DNMBP: variants seen among roughly 807,000 people sequenced by gnomAD.
The protein encoded by DNMBP is dynamin-binding protein.
A neutral mutation model predicts 150.0 loss-of-function variants in DNMBP; 87 were observed. That is an observed-to-expected ratio of 0.58 (90% CI 0.49 to 0.69). The LOEUF (loss-of-function observed/expected upper bound fraction) is 0.69, where lower values mean the gene tolerates loss of function less well. Ranked by LOEUF, DNMBP falls within the 30% of genes least tolerant of loss-of-function variation. The pLI is 0.00. For synonymous variants in DNMBP, 711 were observed against 750.4 expected, an observed-to-expected ratio of 0.95 and a Z score of 0.86; for missense variants, 1,774 against 1,949.0, an observed-to-expected ratio of 0.91 and a Z score of 1.69.
Position 99,907,750 on chromosome 10 carries a change from G to A in DNMBP, c.2554+245C>T, listed in dbSNP as rs189373835. Among the ~76,000 whole-genome samples, 4 of 152,280 alleles carry A rather than the reference G, an allele frequency of 2.6e-5. No homozygotes were observed. In the East Asian group the frequency reaches 7.7e-4, roughly 29 times the overall value. ...TGATCTCATGACCCAGTAATGGGCT[G>A]CAACCATGAGTGTGGAAAAACATTG... On this transcript the variant is annotated intron_variant, in intron 6 of 16. Transcript: ENST00000324109.
At chr10:99,990,692 TATACACACACATATATACACACATATAC>T (rs2040876928) in intron 1 of DNMBP, among the ~76,000 whole-genome samples, 1 of 150,554 alleles carries the variant, frequency 6.6e-6, no homozygotes. Context: ...CACACATATA[TATACACACACATATATACACACATATAC>T]ACACAAATAT....
chr10:99,931,770 A>G (rs2040161117), intron 4 of DNMBP, among the ~76,000 whole-genome samples: 1 of 152,234 alleles, frequency 6.6e-6, no homozygotes, highest in Non-Finnish European at 1.5e-5. Context: ...GCCTCTTACA[A>G]TGCAGAAGCA....
intron 6 of DNMBP, among the ~76,000 whole-genome samples, chr10:99,900,290 T>G (rs7342084): frequency 0.41 from 62,106 of 152,088 alleles, 12,871 homozygotes; most frequent in Non-Finnish European, 0.42. Context: ...ATGTATGTAT[T>G]CATTTTTTTT....
intron 1 of DNMBP, among the ~76,000 whole-genome samples, chr10:100,007,384 C>A (rs574246498): frequency 1.0e-3 from 153 of 152,190 alleles, no homozygotes; most frequent in African/African-American, 3.5e-3. Context: ...AGTGCTACCA[C>A]GACCCCGGCA....
intron 1 of DNMBP, among the ~76,000 whole-genome samples, chr10:100,009,287 C>T (rs141548434): frequency 6.6e-6 from 1 of 152,354 alleles, no homozygotes; most frequent in East Asian, 1.9e-4. Flanking sequence ...ACATCTGTGC[C>T]TGCAGCAGGA....
intron 6 of DNMBP, among the ~76,000 whole-genome samples, chr10:99,904,278 T>C (rs1370070152): frequency 6.6e-6 from 1 of 151,456 alleles, no homozygotes; most frequent in Non-Finnish European, 1.5e-5. Context: ...ACACTGGACA[T>C]GGTAAAACTA....
intron 2 of DNMBP, among the ~76,000 whole-genome samples, chr10:99,970,971 C>CAAAAAAAAAA (rs532226561): frequency 0.01 from 332 of 33,186 alleles, 57 homozygotes; most frequent in Admixed American, 0.014. Flanking sequence ...GACTCCGTCT[C>CAAAAAAAAAA]AAAAAAAAAA....
intron 11 of DNMBP, among the ~76,000 whole-genome samples, chr10:99,891,023 G>A (rs2039548026): frequency 6.6e-6 from 1 of 151,924 alleles, no homozygotes; most frequent in South Asian, 2.1e-4. Flanking sequence ...GTAACCAGCT[G>A]GAAAAATAAA....
At chr10:99,952,235 C>T (rs546571666) in intron 4 of DNMBP, among the ~76,000 whole-genome samples, 145 of 152,256 alleles carry the variant, frequency 9.5e-4, no homozygotes, top group South Asian at 4.8e-3. Flanking sequence ...TGTAAATTGC[C>T]CAGTATCTGG....
At chr10:99,911,483 C>CA (rs373066075) in intron 4 of DNMBP, among the ~76,000 whole-genome samples, 4,830 of 150,588 alleles carry the variant, frequency 0.032, 83 homozygotes, top group South Asian at 0.08. Context: ...GACTCCATCT[C>CA]AAAAAAAAAT....
At chr10:99,899,702 C>A (rs942655466) in intron 7 of DNMBP, among the ~76,000 whole-genome samples, 1 of 152,090 alleles carries the variant, frequency 6.6e-6, no homozygotes, top group Non-Finnish European at 1.5e-5. Flanking sequence ...CCATCCTCTC[C>A]TGGCTGCTTT....
intron 4 of DNMBP, among the ~76,000 whole-genome samples, chr10:99,943,004 C>G (rs2040317051): frequency 6.6e-6 from 1 of 152,054 alleles, no homozygotes; most frequent in Non-Finnish European, 1.5e-5. Flanking sequence ...CAGAATGGGC[C>G]AGGTGTGGTG....
chr10:99,971,485 T>C (rs549246264), intron 2 of DNMBP, among the ~76,000 whole-genome samples: 5 of 152,120 alleles, frequency 3.3e-5, no homozygotes, highest in African/African-American at 7.2e-5. Context: ...ATTATAAGCA[T>C]GACCCACCAT....
Position 99,885,701 on chromosome 10 carries a change from G to A in DNMBP, c.3784C>T (p.Pro1262Ser), listed in dbSNP as rs1377732716. 1 of 1,569,986 alleles carries A rather than the reference G, an allele frequency of 6.4e-7. No homozygotes were observed. The highest frequency in any genetic ancestry group is 1.2e-5 in the South Asian group (1 of 85,802). The change falls in exon 14 of 17, where the codon CCA becomes TCA. Residue 1262 changes from proline to serine, a missense_variant. Physicochemically the swap from Pro to Ser is moderately conservative, Grantham distance 74. Around this residue, in one of 2 missense-constraint regions of DNMBP, gnomAD observed 1,430 missense variants for 1,492.5 expected, o/e 0.96. Transcript: ENST00000324109. ...TCCCTACTCACCAGGCCCAGGAGTGGCTTTCGAGCAGACTGGCGGTCAATG... is the reference window on the plus strand; with the variant it reads ...TCCCTACTCACCAGGCCCAGGAGTGACTTTCGAGCAGACTGGCGGTCAATG... ...KTIDRQSARK[P>S]LLGLPSYMLQ...
chr10:99,932,375 G>A (rs1285224508), intron 4 of DNMBP, among the ~76,000 whole-genome samples: 2 of 152,094 alleles, frequency 1.3e-5, no homozygotes, highest in Non-Finnish European at 2.9e-5. Context: ...TAGATCACCT[G>A]CCCCCTCAAA....
chr10:99,996,140 A>G (rs1359657281), intron 1 of DNMBP, among the ~76,000 whole-genome samples: 2 of 152,226 alleles, frequency 1.3e-5, no homozygotes, highest in Non-Finnish European at 2.9e-5. Context: ...TTAATTTTTA[A>G]ACGTTTGGAA....
intron 4 of DNMBP, among the ~76,000 whole-genome samples, chr10:99,939,525 C>A (rs1036006605): frequency 4.6e-5 from 7 of 152,244 alleles, no homozygotes; most frequent in African/African-American, 1.7e-4. Context: ...TCTTTAACCT[C>A]CAAACTGTCC....
At chr10:99,919,182 T>A (rs1055692019) in intron 4 of DNMBP, among the ~76,000 whole-genome samples, 3 of 152,168 alleles carry the variant, frequency 2.0e-5, no homozygotes, top group African/African-American at 7.2e-5. Context: ...AAGCAGCATA[T>A]TCAAAACTGG....
Position 99,899,946 on chromosome 10 carries a change from T to C in DNMBP, c.2675A>G (p.His892Arg), listed in dbSNP as rs144607305. ...IYEKDEKIQK[H>R]LQDSLADLKS... ...CAGATCTGCCAAGGAGTCCTGAAGA[T>C]GCTTCTGGATCTTCTCATCCTTCTC... Residue 892 changes from histidine (H) to arginine (R), a missense_variant, in exon 7 of 17, where the codon CAT (histidine) becomes CGT (arginine). Physicochemically the swap from His to Arg is conservative, Grantham distance 29. Transcript: ENST00000324109. 4 of 1,614,050 alleles carry C rather than the reference T, an allele frequency of 2.5e-6. No homozygotes were observed. Among genetic ancestry groups the C allele is most frequent in the Non-Finnish European group, 3.4e-6 (4 of 1,180,036 alleles).
Sources: allele counts gnomAD v4.1 joint callset (sites outside exome capture counted in the v4.1 genomes callset), GRCh38; gene constraint gnomAD v4.1.1; regional missense constraint gnomAD v4.1.1; transcripts MANE v1.5; gene names NCBI Gene and HGNC (gene_info 2026-07-23, HGNC 2026-07-21).